The following NRXN1 variants were observed in gnomAD, a reference collection of about 807,000 sequenced individuals.
NRXN1 encodes neurexin 1.
A neutral mutation model predicts 150.9 loss-of-function variants in NRXN1; 39 were observed. That is an observed-to-expected ratio of 0.26 (90% CI 0.20 to 0.34). NRXN1 has a LOEUF of 0.34. NRXN1 is among the 10% of genes least tolerant of loss of function. The probability of loss-of-function intolerance (pLI) is 1.00; values close to 1 mark genes in which losing one functional copy is unlikely to be tolerated. For missense variants in NRXN1, 1,815 were observed against 1,949.9 expected (o/e 0.93, Z 1.30); for synonymous variants, 924 against 757.0 (o/e 1.22, Z -3.62).
At chr2:50,682,366 T>C (rs1285740776) in intron 5 of NRXN1, among the ~76,000 whole-genome samples, 1 of 152,208 alleles carries the variant, frequency 6.6e-6, no homozygotes, top group Non-Finnish European at 1.5e-5. Flanking sequence ...TTGAGTTTAC[T>C]ATCCCATGTC....
At chr2:50,514,881 C>G (rs918297259) in intron 12 of NRXN1, among the ~76,000 whole-genome samples, 1 of 152,290 alleles carries the variant, frequency 6.6e-6, no homozygotes, top group Admixed American at 6.5e-5. Context: ...TTGCCACTAA[C>G]TGTAACATAA....
rs546242939 is a variant in NRXN1 at position 50,599,060 on chromosome 2, C to A, written c.1320+20962G>T. On this transcript the variant is annotated intron_variant, in intron 8 of 22. Coordinates refer to ENST00000401669, the MANE Select transcript of NRXN1 (RefSeq NM_001330078.2). ...GTGCTAGGATTACAGGTGTGAGCCA[C>A]CATGTCTGGCCAACTCTCCTATTTC... 1.2e-3 allele frequency among the ~76,000 whole-genome samples: 187 copies of A among 152,194 alleles called. 4 individuals carry two copies. The highest frequency in any genetic ancestry group is 3.1e-3 in the Admixed American group (47 of 15,274).
intron 21 of NRXN1, among the ~76,000 whole-genome samples, chr2:49,983,873 C>T (rs1680423769): frequency 6.6e-6 from 1 of 152,054 alleles, no homozygotes; most frequent in African/African-American, 2.4e-5. Flanking sequence ...TCTACCAAAA[C>T]TGGTAAGAAA....
At chr2:51,026,863 GCCTCCTGCTAATGAAGAAACGCTTCACAT>G (rs986583185) in intron 2 of NRXN1, among the ~76,000 whole-genome samples, 1 of 152,120 alleles carries the variant, frequency 6.6e-6, no homozygotes, top group African/African-American at 2.4e-5. Flanking sequence ...ATTCCAAAAA[GCCTCCTGCTAATGAAGAAACGCTTCACAT>G]CCTCTCTTTC....
intron 2 of NRXN1, among the ~76,000 whole-genome samples, chr2:50,954,431 G>A (rs982772842): frequency 3.3e-5 from 5 of 152,190 alleles, no homozygotes; most frequent in Admixed American, 2.6e-4. Flanking sequence ...TGATGTAAAT[G>A]CTACTCACAC....
intron 5 of NRXN1, among the ~76,000 whole-genome samples, chr2:50,654,543 C>T (rs1686128587): frequency 6.6e-6 from 1 of 151,800 alleles, no homozygotes; most frequent in South Asian, 2.1e-4. Context: ...GGGTACATAC[C>T]CAGTAATGGG....
chr2:50,962,417 T>C (rs1241470054), intron 2 of NRXN1, among the ~76,000 whole-genome samples: 1 of 151,744 alleles, frequency 6.6e-6, no homozygotes, highest in African/African-American at 2.4e-5. Flanking sequence ...ATGATAGGTA[T>C]CCTCTTATAG....
intron 12 of NRXN1, among the ~76,000 whole-genome samples, chr2:50,519,691 T>C (rs1428471061): frequency 1.3e-5 from 2 of 151,938 alleles, no homozygotes; most frequent in African/African-American, 2.4e-5. Context: ...CGATAACTTA[T>C]ACTAACACAT....
chr2:50,100,772 T>C (rs1700874842), intron 18 of NRXN1, among the ~76,000 whole-genome samples: 1 of 152,106 alleles, frequency 6.6e-6, no homozygotes, highest in African/African-American at 2.4e-5. Context: ...TGTATCTCCA[T>C]CCACTGAGAC....
chr2:50,535,005 C>T (rs1305662117), intron 10 of NRXN1, among the ~76,000 whole-genome samples: 1 of 152,076 alleles, frequency 6.6e-6, no homozygotes, highest in Non-Finnish European at 1.5e-5. Flanking sequence ...ACTAGAGTGC[C>T]CCCGAGTGTC....
At chr2:50,224,005 T>C (rs1004700677) in intron 18 of NRXN1, among the ~76,000 whole-genome samples, 5 of 151,986 alleles carry the variant, frequency 3.3e-5, no homozygotes, top group Non-Finnish European at 7.4e-5. Context: ...CCTATAATTG[T>C]ACCCATTAAG....
At chr2:50,737,325 C>T (rs1382333352) in intron 5 of NRXN1, among the ~76,000 whole-genome samples, 1 of 152,106 alleles carries the variant, frequency 6.6e-6, no homozygotes, top group Non-Finnish European at 1.5e-5. Context: ...AAAAGGATAA[C>T]ATAATGCCCC....
chr2:50,331,543 G>A (rs1387159300), intron 17 of NRXN1, among the ~76,000 whole-genome samples: 1 of 152,134 alleles, frequency 6.6e-6, no homozygotes, highest in Non-Finnish European at 1.5e-5. Flanking sequence ...GAATCTTCTT[G>A]CAGTCTACTT....
chr2:50,770,830 G>A (rs547465985), intron 5 of NRXN1, among the ~76,000 whole-genome samples: 2 of 152,124 alleles, frequency 1.3e-5, no homozygotes, highest in East Asian at 3.9e-4. Context: ...TGCCATAGAT[G>A]CTATGGGAAG....
intron 5 of NRXN1, among the ~76,000 whole-genome samples, chr2:50,891,803 T>A (rs921025147): frequency 6.6e-6 from 1 of 152,080 alleles, no homozygotes; most frequent in Non-Finnish European, 1.5e-5. Flanking sequence ...ACAATTATAT[T>A]TTTGAAACAT....
At chr2:50,673,949 G>T (rs538301367) in intron 5 of NRXN1, among the ~76,000 whole-genome samples, 4 of 152,026 alleles carry the variant, frequency 2.6e-5, no homozygotes, top group Non-Finnish European at 5.9e-5. Context: ...CGCCTGTCAG[G>T]GGGTGGGGTG....
chr2:50,659,989 C>T (rs1438196909), intron 5 of NRXN1, among the ~76,000 whole-genome samples: 1 of 151,862 alleles, frequency 6.6e-6, no homozygotes, highest in African/African-American at 2.4e-5. Context: ...GAGGACTGGC[C>T]TTTTTCTATT....
intron 19 of NRXN1, among the ~76,000 whole-genome samples, chr2:50,079,447 G>A (rs1697599529): frequency 6.6e-6 from 1 of 152,018 alleles, no homozygotes; most frequent in Admixed American, 6.6e-5. Context: ...CAAAGCCAAA[G>A]ATATTTAATA....
At chr2:50,084,909 A>C (rs1398364548) in intron 19 of NRXN1, among the ~76,000 whole-genome samples, 1 of 152,240 alleles carries the variant, frequency 6.6e-6, no homozygotes, top group Non-Finnish European at 1.5e-5. Flanking sequence ...AATTTTAGGA[A>C]GACACATTCA....
Sources: allele counts gnomAD v4.1 joint callset (sites outside exome capture counted in the v4.1 genomes callset), GRCh38; gene constraint gnomAD v4.1.1; transcripts MANE v1.5; gene names NCBI Gene and HGNC (gene_info 2026-07-23, HGNC 2026-07-21).